PDE1A: variants seen among roughly 807,000 people sequenced by gnomAD.
The protein encoded by PDE1A is phosphodiesterase 1A.
A neutral mutation model predicts 61.7 loss-of-function variants in PDE1A; 35 were observed. The ratio of observed to expected loss-of-function variants is 0.57; its 90% CI spans 0.43 to 0.75. The LOEUF (loss-of-function observed/expected upper bound fraction) is 0.75, where lower values mean the gene tolerates loss of function less well. Ranked by LOEUF, PDE1A falls within the 30% of genes least tolerant of loss-of-function variation. PDE1A has a pLI of 0.00. For synonymous variants in PDE1A, 232 were observed against 213.2 expected (o/e 1.09, Z -0.77); for missense variants, 597 against 630.6 (o/e 0.95, Z 0.57).
At chr2:182,711,531 G>T in the PDE1A span, among the ~76,000 whole-genome samples, 12 of 151,856 alleles carry the variant, frequency 7.9e-5, no homozygotes, top group Non-Finnish European at 1.2e-4. Context: ...TGTCCACCGA[G>T]AAGACCTGGA....
the PDE1A span, among the ~76,000 whole-genome samples, chr2:182,662,330 G>GAA: frequency 2.8e-5 from 2 of 70,836 alleles, no homozygotes; most frequent in Non-Finnish European, 5.3e-5. Context: ...CTTAAAAATT[G>GAA]AAAAAAAAAA....
intron 2 of PDE1A, among the ~76,000 whole-genome samples, chr2:182,507,858 C>T (rs538848052): frequency 6.6e-6 from 1 of 151,780 alleles, no homozygotes; most frequent in African/African-American, 2.4e-5. Context: ...GAAAGGAACC[C>T]ATTAATCCAT....
At chr2:182,429,001 A>G (rs1478206054), upstream of PDE1A, among the ~76,000 whole-genome samples, 1 of 152,098 alleles carries the variant, frequency 6.6e-6, no homozygotes, top group Non-Finnish European at 1.5e-5. Flanking sequence ...TACCAGCTGA[A>G]GAATCTGAAA....
chr2:182,201,411 A>G (rs1355233408), intron 10 of PDE1A, 28 bp downstream of exon 10: 1 of 1,610,280 alleles, frequency 6.2e-7, no homozygotes, highest in Non-Finnish European at 8.5e-7. Context: ...ATTTCCAAAA[A>G]CATTTGCACA....
At chr2:182,162,608 C>T (rs1336662532) in intron 13 of PDE1A, among the ~76,000 whole-genome samples, 4 of 152,128 alleles carry the variant, frequency 2.6e-5, no homozygotes, top group Non-Finnish European at 5.9e-5. Flanking sequence ...AAAATTTATA[C>T]TGTTAATCTT....
chr2:182,158,404 TTC>T (rs1198978024), intron 13 of PDE1A, among the ~76,000 whole-genome samples: 3 of 152,170 alleles, frequency 2.0e-5, no homozygotes, highest in Admixed American at 6.5e-5. Context: ...ATCAAAACTA[TTC>T]TCTTACTCTT....
intron 13 of PDE1A, among the ~76,000 whole-genome samples, chr2:182,155,644 C>G (rs1475325227): frequency 2.0e-5 from 3 of 152,162 alleles, no homozygotes; most frequent in African/African-American, 4.8e-5. Context: ...AATCCCAGAA[C>G]TTTGGGAGGC....
intron 1 of PDE1A, among the ~76,000 whole-genome samples, chr2:182,270,882 A>G (rs1327284514): frequency 2.6e-5 from 4 of 151,866 alleles, no homozygotes; most frequent in Non-Finnish European, 5.9e-5. Context: ...TTAAATAATG[A>G]AGTCTTATCT....
At chr2:182,182,551 A>G (rs1012926186) in intron 13 of PDE1A, among the ~76,000 whole-genome samples, 1 of 152,090 alleles carries the variant, frequency 6.6e-6, no homozygotes, top group Non-Finnish European at 1.5e-5. Flanking sequence ...TAGCAGAGTA[A>G]TCCTTTTGAA....
intron 1 of PDE1A, among the ~76,000 whole-genome samples, chr2:182,419,347 T>C (rs1375391327): frequency 2.0e-5 from 3 of 150,150 alleles, no homozygotes; most frequent in Non-Finnish European, 4.4e-5. Flanking sequence ...TTTTTTTTTT[T>C]TTTTTTGAGA....
chr2:182,204,386 A>C (rs540055485), intron 8 of PDE1A, among the ~76,000 whole-genome samples: 1 of 152,284 alleles, frequency 6.6e-6, no homozygotes, highest in East Asian at 1.9e-4. Context: ...TGCAGAATAC[A>C]GTTAACCCTT....
chr2:182,144,494 T>C (rs6749969), downstream of PDE1A, among the ~76,000 whole-genome samples: 112,227 of 152,116 alleles, frequency 0.74, 41,736 homozygotes, highest in East Asian at 0.89. Context: ...ATTTGAAGGG[T>C]TTCTTTCTTG....
chr2:182,155,200 A>G (rs565124102), intron 13 of PDE1A, among the ~76,000 whole-genome samples: 4 of 151,244 alleles, frequency 2.6e-5, no homozygotes, highest in Middle Eastern at 3.4e-3. Flanking sequence ...GATCCTCCCA[A>G]CTTCAGACTC....
At chr2:182,335,761 A>C (rs934144579) in intron 1 of PDE1A, among the ~76,000 whole-genome samples, 1 of 152,222 alleles carries the variant, frequency 6.6e-6, no homozygotes, top group Non-Finnish European at 1.5e-5. Context: ...GCCAAAATTG[A>C]CAAGTGGGAT....
chr2:182,624,000 C>A, the PDE1A span, among the ~76,000 whole-genome samples: 1 of 151,618 alleles, frequency 6.6e-6, no homozygotes, highest in Admixed American at 6.6e-5. Flanking sequence ...TGGCGGGCGC[C>A]TGTAGTCCCA....
chr2:182,185,634 TC>T (rs1488573042), intron 13 of PDE1A, among the ~76,000 whole-genome samples: 1 of 152,200 alleles, frequency 6.6e-6, no homozygotes, highest in Non-Finnish European at 1.5e-5. Flanking sequence ...TTTCATTATC[TC>T]ATCTTTCAGT....
the PDE1A span, among the ~76,000 whole-genome samples, chr2:182,555,962 T>G: frequency 3.9e-5 from 2 of 50,790 alleles, no homozygotes; most frequent in Non-Finnish European, 5.9e-5. Flanking sequence ...GGAAACTCCA[T>G]CTCAAAAAAA....
chr2:182,163,082 C>T (rs1330721746), downstream of PDE1A, among the ~76,000 whole-genome samples: 1 of 152,138 alleles, frequency 6.6e-6, no homozygotes, highest in Non-Finnish European at 1.5e-5. Flanking sequence ...TTCACCATGT[C>T]CCCATTCAAC....
At position 182,499,187 on chromosome 2, in the gene PDE1A, T is replaced by TGTTG. The variant is rs1688936203; in HGVS notation, c.101+23088_101+23089insCAAC. 3.8e-5 allele frequency among the ~76,000 whole-genome samples: 4 copies of TGTTG among 106,038 alleles called. 1 individual carries two copies. The highest frequency in any genetic ancestry group is 5.2e-5 in the Non-Finnish European group (3 of 57,212). The allele number at this position is 106,038 out of a possible 152,430, so 69.6% of individuals were successfully genotyped here. A position where few individuals can be genotyped will look rare whatever the true frequency, so the allele number is the denominator to read the frequency against. On this transcript the variant is annotated intron_variant, in intron 2 of 14. Transcript: ENST00000410103. ...CTCTTTTTCTTGTTTTTTTTTTTTT[T>TGTTG]TTTTTTTGAGACGGAGTCTTGCTCT...
Sources: gnomAD v4.1 joint callset for allele counts (sites outside exome capture counted in the v4.1 genomes callset) on GRCh38, gnomAD v4.1.1 for gene constraint, MANE v1.5 for transcripts, NCBI Gene and HGNC (gene_info 2026-07-23, HGNC 2026-07-21) for gene names.